IFTAP: variants seen among roughly 807,000 people sequenced by gnomAD.
IFTAP encodes intraflagellar transport-associated protein.
Under a neutral mutation model 19.4 loss-of-function variants are expected in IFTAP, and 19 were observed. The observed-to-expected ratio is 0.98, with a 90% CI of 0.68 to 1.44. The LOEUF (loss-of-function observed/expected upper bound fraction) is 1.44. IFTAP is among the 40% of genes most tolerant of loss of function. The pLI is 0.00. For missense variants in IFTAP, 240 were observed against 253.6 expected (o/e 0.95, Z 0.36); for synonymous variants, 85 against 83.5 (o/e 1.02, Z -0.10).
chr11:36,611,383 G>A (rs186147338), intron 2 of IFTAP, among the ~76,000 whole-genome samples: 70 of 151,932 alleles, frequency 4.6e-4, no homozygotes, highest in African/African-American at 1.7e-3. Flanking sequence ...CAAGGGATTC[G>A]TATTTTATTA....
At chr11:36,630,040 C>G (rs1565019596) in intron 2 of IFTAP, among the ~76,000 whole-genome samples, 1 of 151,088 alleles carries the variant, frequency 6.6e-6, no homozygotes, top group Non-Finnish European at 1.5e-5. Context: ...GAAGAGGACC[C>G]TGATGAAAAA....
intron 1 of IFTAP, among the ~76,000 whole-genome samples, chr11:36,605,465 G>A (rs554598400): frequency 6.6e-6 from 1 of 152,152 alleles, no homozygotes; most frequent in African/African-American, 2.4e-5. Context: ...TCAAAGGTGT[G>A]CTGAATCAGT....
intron 4 of IFTAP, among the ~76,000 whole-genome samples, chr11:36,638,605 A>G (rs1278154623): frequency 1.3e-5 from 2 of 152,228 alleles, no homozygotes; most frequent in African/African-American, 2.4e-5. Context: ...TTTGGGCCTA[A>G]TTTGTTTTAC....
chr11:36,599,810 A>G (rs1173883379), intron 1 of IFTAP, among the ~76,000 whole-genome samples: 1 of 152,194 alleles, frequency 6.6e-6, no homozygotes, highest in African/African-American at 2.4e-5. Context: ...TTTATGTGTT[A>G]TATAAAGTGT....
intron 5 of IFTAP, among the ~76,000 whole-genome samples, chr11:36,650,825 G>T (rs942968490): frequency 8.6e-5 from 13 of 151,876 alleles, no homozygotes; most frequent in African/African-American, 2.4e-4. Flanking sequence ...TTGTCCTTGC[G>T]ATAGTTTGCT....
chr11:36,659,134 A>G lies in IFTAP; in HGVS notation c.614A>G (p.Lys205Arg). 1.2e-6 allele frequency: 2 copies of G among 1,607,548 alleles called. No individual in the cohort carries two copies. The highest frequency in any genetic ancestry group is 1.7e-6 in the Non-Finnish European group (2 of 1,177,152). Reference sequence around the variant, plus strand: ...ATAGAGAACATCAAAGAGCTATGCAAGCAGCAGAAGAGAAAGGACACCAGC... The same window carrying G: ...ATAGAGAACATCAAAGAGCTATGCAGGCAGCAGAAGAGAAAGGACACCAGC... ...AEIENIKELCKQQKRKDTSPD... is the reference protein window; with the variant it reads ...AEIENIKELCRQQKRKDTSPD... Residue 205 changes from lysine to arginine, a missense_variant, in exon 6 of 6, where the codon AAG becomes AGG. By Grantham distance (26) the Lys-to-Arg change is conservative. Coordinates refer to ENST00000334307, the MANE Select transcript of IFTAP (RefSeq NM_138787.4).
chr11:36,620,063 G>A (rs2133408543), intron 2 of IFTAP, among the ~76,000 whole-genome samples: 1 of 152,088 alleles, frequency 6.6e-6, no homozygotes, highest in East Asian at 1.9e-4. Context: ...AATTAATCTT[G>A]CATCCCAAGG....
At chr11:36,658,113 A>T (rs1388045825) in intron 5 of IFTAP, among the ~76,000 whole-genome samples, 1 of 152,206 alleles carries the variant, frequency 6.6e-6, no homozygotes, top group East Asian at 1.9e-4. Context: ...ATCATCTTCC[A>T]TGCAAGAATA....
chr11:36,657,567 T>C lies in IFTAP; in HGVS notation c.499-1452T>C, dbSNP rs139030524. Among the ~76,000 whole-genome samples, 75 of 152,298 alleles carry C rather than the reference T, an allele frequency of 4.9e-4. 1 individual carries two copies. Among genetic ancestry groups the C allele is most frequent in the African/African-American group, 1.0e-3 (43 of 41,574 alleles). On this transcript the variant is annotated intron_variant, in intron 5 of 5. Transcript: ENST00000334307. ...GGCTGTGACTTGGCTTAGTGGAAAC[T>C]TCAAGGTTGATTCTTGCTGGTGTTT...
rs188790884 is a variant in IFTAP, at chr11:36,627,842, A to T, written c.137-5442A>T. 5.4e-3 allele frequency among the ~76,000 whole-genome samples: 818 copies of T among 150,324 alleles called. 12 individuals are homozygous for T. Among genetic ancestry groups the T allele is most frequent in the Non-Finnish European group, 7.2e-3 (486 of 67,812 alleles). ...GCACCCACCATCACAGAGATTGTTT[A>T]AAAAAAAAGTTATCTAGGGCATGCC... On this transcript the variant is annotated intron_variant, in intron 2 of 5. Coordinates refer to ENST00000334307, the MANE Select transcript of IFTAP (RefSeq NM_138787.4).
At chr11:36,617,777 C>CT (rs1852146347) in intron 2 of IFTAP, among the ~76,000 whole-genome samples, 1 of 151,838 alleles carries the variant, frequency 6.6e-6, no homozygotes, top group Non-Finnish European at 1.5e-5. Context: ...ATTATTCTTC[C>CT]TTTTTATAGC....
At chr11:36,600,308 A>G (rs73455552) in intron 1 of IFTAP, among the ~76,000 whole-genome samples, 17,293 of 152,304 alleles carry the variant, frequency 0.11, 1,159 homozygotes, top group African/African-American at 0.17. Flanking sequence ...ACGGACAGGT[A>G]CGGTCAGCAG....
rs186161793 is a variant in IFTAP, at chr11:36,647,088, C to T, written c.359-928C>T. Among the ~76,000 whole-genome samples the T allele has an allele frequency of 1.9e-3, 292 of 152,226 alleles. 4 individuals are homozygous for T. The highest frequency in any genetic ancestry group is 6.7e-3 in the African/African-American group (277 of 41,558). On this transcript the variant is annotated intron_variant, in intron 4 of 5. Coordinates refer to ENST00000334307, the MANE Select transcript of IFTAP (RefSeq NM_138787.4). ...TATCAATACCTGCTCAATTATCTCC[C>T]TATACATGCTGCCATTTGCAGCAGT...
intron 4 of IFTAP, among the ~76,000 whole-genome samples, chr11:36,644,067 C>T (rs1853355627): frequency 6.6e-6 from 1 of 152,150 alleles, no homozygotes; most frequent in African/African-American, 2.4e-5. Flanking sequence ...AGGCAACCTA[C>T]AGAATGAGAG....
chr11:36,629,897 A>T (rs1852665418), intron 2 of IFTAP, among the ~76,000 whole-genome samples: 1 of 151,394 alleles, frequency 6.6e-6, no homozygotes, highest in Admixed American at 6.6e-5. Context: ...TGACTCAGAA[A>T]TGCCCAAAGA....
chr11:36,606,011 C>T lies in IFTAP; in HGVS notation c.-23-4070C>T, dbSNP rs191922068. Among the ~76,000 whole-genome samples, 1,361 of 152,278 alleles carry T rather than the reference C, an allele frequency of 8.9e-3. 12 individuals are homozygous for T. The highest frequency in any genetic ancestry group is 0.015 in the Non-Finnish European group (1,000 of 68,026). On this transcript the variant is annotated intron_variant, in intron 1 of 5. Transcript: ENST00000334307. ...GGATTTGCATAAACCACTTGGCTGTCTGATAAGTCATTATCTGTTCTGTCA... is the reference window on the plus strand; with the variant it reads ...GGATTTGCATAAACCACTTGGCTGTTTGATAAGTCATTATCTGTTCTGTCA...
At chr11:36,601,546 A>T (rs1473888760) in intron 1 of IFTAP, among the ~76,000 whole-genome samples, 1 of 152,184 alleles carries the variant, frequency 6.6e-6, no homozygotes. Flanking sequence ...ATTTCAGAGG[A>T]GTTTTGCTAG....
chr11:36,635,376 T>C (rs1214351933), intron 3 of IFTAP, among the ~76,000 whole-genome samples: 1 of 152,238 alleles, frequency 6.6e-6, no homozygotes. Context: ...CTAAAATGTC[T>C]CATTGTCAGC....
At chr11:36,627,136 A>G (rs1852546718) in intron 2 of IFTAP, among the ~76,000 whole-genome samples, 1 of 151,306 alleles carries the variant, frequency 6.6e-6, no homozygotes, top group African/African-American at 2.5e-5. Flanking sequence ...AGAAGAGATA[A>G]ATACATAGCA....
Sources: allele counts gnomAD v4.1 joint callset (sites outside exome capture counted in the v4.1 genomes callset), GRCh38; gene constraint gnomAD v4.1.1; transcripts MANE v1.5; gene names NCBI Gene and HGNC (gene_info 2026-07-23, HGNC 2026-07-21).